Variants in ZFP82 observed in about 807,000 individuals in gnomAD.
ZFP82 encodes the protein zinc finger protein 82 homolog.
A neutral mutation model predicts 54.0 loss-of-function variants in ZFP82; 30 were observed. The ratio of observed to expected loss-of-function variants is 0.56; its 90% CI spans 0.42 to 0.75. The LOEUF (loss-of-function observed/expected upper bound fraction) is 0.75. Among genes scored for constraint, ZFP82 ranks in the 30% least tolerant of loss-of-function variants. ZFP82 has a pLI of 0.00. For missense variants in ZFP82, 500 were observed against 636.8 expected, an observed-to-expected ratio of 0.79 and a Z score of 2.31; for synonymous variants, 194 against 209.5, an observed-to-expected ratio of 0.93 and a Z score of 0.64.
rs1465269325 is a variant in ZFP82 at position 36,389,654 on chromosome 19, C to A, written c.*3087G>T. Among the ~76,000 whole-genome samples the A allele has an allele frequency of 6.6e-6, 1 of 152,180 alleles. No homozygotes were observed. The highest frequency in any genetic ancestry group is 1.5e-5 in the Non-Finnish European group (1 of 68,036). ...AAATTATTTCGTATCATTTAGTAAC[C>A]AATCCATGTTTACATTTGTACAATA... On this transcript the variant is annotated 3_prime_UTR_variant, in exon 5 of 5. Coordinates refer to ENST00000392161, the MANE Select transcript of ZFP82 (RefSeq NM_133466.4).
At position 36,393,161 on chromosome 19, in the gene ZFP82, A is replaced by T; in HGVS notation, c.1179T>A (p.Pro393=). The T allele has an allele frequency of 6.2e-7, 1 of 1,613,630 alleles. No homozygotes were observed. Among genetic ancestry groups the T allele is most frequent in the Non-Finnish European group, 8.5e-7 (1 of 1,179,880 alleles). Residue 393 remains proline (P), a synonymous_variant, in exon 5 of 5, where the codon CCT becomes CCA. Transcript: ENST00000392161. ...LHHRIHTGEK[P]YECKECWKAF... ...CTTTCCAGCATTCCTTACATTCGTA[A>T]GGTTTTTCACCAGTATGAATTCTGT...
chr19:36,386,162 T>C (rs962262095), downstream of ZFP82, among the ~76,000 whole-genome samples: 3 of 152,224 alleles, frequency 2.0e-5, no homozygotes, highest in Admixed American at 2.0e-4. Context: ...ATTCACTGGC[T>C]CATGCTGCCT....
In ZFP82 at chr19:36,392,626, C is replaced by T. The variant is rs1306745701; in HGVS notation, c.*115G>A. Reference sequence around the variant, plus strand: ...GATGATGGACTACAATACATTGTCACACTCTTTTAATGGTATAAAACCTCT... The same window carrying T: ...GATGATGGACTACAATACATTGTCATACTCTTTTAATGGTATAAAACCTCT... On this transcript the variant is annotated 3_prime_UTR_variant, in exon 5 of 5. Transcript: ENST00000392161. 3 of 875,982 alleles carry T rather than the reference C, an allele frequency of 3.4e-6. No individual in the cohort carries two copies. Among genetic ancestry groups the T allele is most frequent in the Admixed American group, 3.2e-5 (1 of 31,628 alleles). 54.3% of individuals were successfully genotyped at this position (875,982 alleles called of 1,614,324 possible). A position where few individuals can be genotyped will look rare whatever the true frequency, so the allele number is the denominator to read the frequency against.
rs1340801426 is a variant in ZFP82 at position 36,393,622 on chromosome 19, C to T, written c.718G>A (p.Asp240Asn). The T allele has an allele frequency of 6.2e-7, 1 of 1,613,716 alleles. No homozygotes were observed. Among genetic ancestry groups the T allele is most frequent in the African/African-American group, 1.3e-5 (1 of 74,788 alleles). ...ECGEAFICGADLRVHQKMHIG... is the reference protein window; with the variant it reads ...ECGEAFICGANLRVHQKMHIG... ...TGCATTTTCTGATGTACTCTAAGAT[C>T]TGCACCACATATGAAAGCTTCCCCA... is the stretch of plus-strand genomic sequence containing the variant. Residue 240 changes from aspartate (D) to asparagine (N), a missense_variant, in exon 5 of 5, where the codon GAT becomes AAT. Asp to Asn is a conservative substitution (Grantham distance 23, BLOSUM62 1). Coordinates refer to ENST00000392161, the MANE Select transcript of ZFP82 (RefSeq NM_133466.4).
chr19:36,413,452 C>T (rs763466499), intron 1 of ZFP82, among the ~76,000 whole-genome samples: 2 of 152,020 alleles, frequency 1.3e-5, no homozygotes, highest in Non-Finnish European at 2.9e-5. Flanking sequence ...AATCAAATAC[C>T]TAACAGTAGG....
chr19:36,385,971 C>G (rs2032110309), downstream of ZFP82, among the ~76,000 whole-genome samples: 2 of 152,188 alleles, frequency 1.3e-5, no homozygotes, highest in Non-Finnish European at 2.9e-5. Flanking sequence ...GGAAAATTTG[C>G]AGCCTGGCCA....
chr19:36,403,472 T>C (rs893904400), intron 4 of ZFP82, among the ~76,000 whole-genome samples: 1 of 150,980 alleles, frequency 6.6e-6, no homozygotes, highest in African/African-American at 2.4e-5. Context: ...TACAAAAAAT[T>C]AGCCAGGCAT....
In ZFP82 at chr19:36,392,729, GAA is replaced by G. The variant is rs763282137; in HGVS notation, c.*10_*11del. ...TAGAATGTTCTATAACACAGAAGTT[GAA>G]AAGACTTTCTTAGATTTTTACATTA... On this transcript the variant is annotated 3_prime_UTR_variant, in exon 5 of 5. Coordinates refer to ENST00000392161, the MANE Select transcript of ZFP82 (RefSeq NM_133466.4). 4.5e-6 allele frequency: 7 copies of G among 1,539,618 alleles called. No homozygotes were observed. The South Asian group carries it at 6.5e-5, about 14-fold the overall frequency.
chr19:36,396,373 C>T (rs112706222), intron 4 of ZFP82, among the ~76,000 whole-genome samples: 2,821 of 152,078 alleles, frequency 0.019, 100 homozygotes, highest in African/African-American at 0.065. Flanking sequence ...ATTGGCTGGG[C>T]GCAGTGGCTC....
chr19:36,413,472 GA>G (rs1268010558), intron 1 of ZFP82, among the ~76,000 whole-genome samples: 3 of 152,018 alleles, frequency 2.0e-5, no homozygotes, highest in African/African-American at 7.2e-5. Flanking sequence ...GCAACAAGTT[GA>G]ATAAATGATG....
In ZFP82 at chr19:36,390,941, T is replaced by G. The variant is rs1219484355; in HGVS notation, c.*1800A>C. The G allele has an allele frequency of 2.6e-5, 4 of 152,248 alleles. No individual in the cohort carries two copies. In the East Asian group the frequency reaches 7.7e-4, roughly 29 times the overall value. The allele number at this position is 152,248 out of a possible 1,614,324, so 9.4% of individuals were successfully genotyped here. A position where few individuals can be genotyped will look rare whatever the true frequency, so the allele number is the denominator to read the frequency against. On this transcript the variant is annotated 3_prime_UTR_variant, in exon 5 of 5. Coordinates refer to ENST00000392161, the MANE Select transcript of ZFP82 (RefSeq NM_133466.4). ...CTGCCACCACGCCCGGCGAATTTTT[T>G]GTATTTTTAGTAGAGATGGGGTTTC... is the stretch of plus-strand genomic sequence containing the variant.
intron 1 of ZFP82, among the ~76,000 whole-genome samples, chr19:36,417,585 A>T (rs1338675085): frequency 1.3e-5 from 2 of 152,200 alleles, no homozygotes; most frequent in African/African-American, 4.8e-5. Context: ...GGACTGGCTA[A>T]TAAGGGAACC....
chr19:36,393,615 C>CT lies in ZFP82; in HGVS notation c.724dup (p.Arg242LysfsTer10), dbSNP rs1400056263. 2.5e-6 allele frequency: 4 copies of CT among 1,613,834 alleles called. No homozygotes were observed. The highest frequency in any genetic ancestry group is 2.5e-6 in the Non-Finnish European group (3 of 1,179,980). ...ACCAATATGCATTTTCTGATGTACT[C>CT]TAAGATCTGCACCACATATGAAAGC... On this transcript the variant is annotated frameshift_variant, in exon 5 of 5. Transcript: ENST00000392161. LOFTEE classifies it high-confidence loss of function.
Position 36,393,449 on chromosome 19 carries a change from C to G in ZFP82, c.891G>C (p.Leu297=), listed in dbSNP as rs1431895859. The G allele has an allele frequency of 6.2e-7, 1 of 1,613,360 alleles. No homozygotes were observed. The highest frequency in any genetic ancestry group is 1.7e-5 in the Admixed American group (1 of 59,956). The change falls in exon 5 of 5, where the codon CTG becomes CTC. Residue 297 remains leucine (L), a synonymous_variant. Transcript: ENST00000392161. ...CACTATTAAGCTTCTGATGCCGAGT[C>G]AGGTGTGCGTACTGTCTAAAGGCTT... ...CGKAFRQYAH[L]TRHQKLNSAD... is the part of the protein sequence containing the mutation.
intron 4 of ZFP82, among the ~76,000 whole-genome samples, chr19:36,398,820 T>A (rs1485306243): frequency 1.3e-5 from 2 of 152,142 alleles, no homozygotes; most frequent in South Asian, 2.1e-4. Context: ...TGATTTTTTT[T>A]AAAAAAGCTC....
At position 36,393,309 on chromosome 19, in the gene ZFP82, C is replaced by T. The variant is rs201438784; in HGVS notation, c.1031G>A (p.Gly344Glu). ...GEKPYECKEC[G>E]KAFRVRQQLT... ...TTGTTGTCGCACTCTAAAGGCCTTC[C>T]CGCATTCCTTACATTCATAGGGTTT... The change falls in exon 5 of 5, where the codon GGG (glycine) becomes GAG (glutamate). Residue 344 changes from glycine to glutamate, a missense_variant. Gly to Glu is a moderately conservative substitution (Grantham distance 98). Transcript: ENST00000392161. 1.2e-6 allele frequency: 2 copies of T among 1,613,916 alleles called. No homozygotes were observed. The highest frequency in any genetic ancestry group is 1.1e-5 in the South Asian group (1 of 91,062).
chr19:36,388,238 C>T (rs1048328551), downstream of ZFP82, among the ~76,000 whole-genome samples: 5 of 151,888 alleles, frequency 3.3e-5, no homozygotes, highest in South Asian at 2.1e-4. Flanking sequence ...TACTTTTTTG[C>T]GAATGTTTGC....
rs2032512778 is a variant in ZFP82, at chr19:36,407,960, T to C, written c.63A>G (p.Glu21=). 3.1e-6 allele frequency: 5 copies of C among 1,614,116 alleles called. No individual in the cohort carries two copies. Among genetic ancestry groups the C allele is most frequent in the African/African-American group, 1.3e-5 (1 of 75,066 alleles). The change falls in exon 3 of 5, where the codon GAA becomes GAG. Residue 21 remains glutamate (E), a synonymous_variant. Transcript: ENST00000392161. Reference sequence around the variant, plus strand: ...AGTCCTTTTGTTCCAAGTCCAGGTATTCCCACTCTTCTGGAGAGAAGTCTA... The same window carrying C: ...AGTCCTTTTGTTCCAAGTCCAGGTACTCCCACTCTTCTGGAGAGAAGTCTA... ...VSIDFSPEEW[E]YLDLEQKDLY... is the part of the protein sequence containing the mutation.
rs1201569649 is a variant in ZFP82 at position 36,390,724 on chromosome 19, C to T, written c.*2017G>A. The T allele has an allele frequency of 2.0e-5, 3 of 151,928 alleles. No homozygotes were observed. The highest frequency in any genetic ancestry group is 4.4e-5 in the Non-Finnish European group (3 of 67,996). The allele number at this position is 151,928 out of a possible 1,614,324, so 9.4% of individuals were successfully genotyped here. On this transcript the variant is annotated 3_prime_UTR_variant, in exon 5 of 5. Transcript: ENST00000392161. ...TCCATGATTTTGTAAAATTAAAGAG[C>T]GTAGTTTTCAAATTCTATCATTCAT... is the stretch of plus-strand genomic sequence containing the variant.
Sources: allele counts gnomAD v4.1 joint callset (sites outside exome capture counted in the v4.1 genomes callset), GRCh38; gene constraint gnomAD v4.1.1; transcripts MANE v1.5; gene names NCBI Gene and HGNC (gene_info 2026-07-23, HGNC 2026-07-21).